EPHB4: variants seen among roughly 807,000 people sequenced by gnomAD.
EPHB4 encodes the protein ephrin type-B receptor 4.
Under a neutral mutation model 110.6 loss-of-function variants are expected in EPHB4, and 50 were observed. That is an observed-to-expected ratio of 0.45 (90% CI 0.36 to 0.57). The LOEUF is 0.57. EPHB4 is among the 20% of genes least tolerant of loss of function. EPHB4 has a pLI of 0.00. For missense variants in EPHB4, 1,128 were observed against 1,382.1 expected (o/e 0.82, Z 2.91); for synonymous variants, 592 against 578.4 (o/e 1.02, Z -0.34).
Position 100,802,866 on chromosome 7 carries a change from G to C in EPHB4, c.*595C>G, listed in dbSNP as rs1812726571. ...CAGGTTCCCTCCAACACAAAGTTAT[G>C]ACAAGGACGGTAGAAAAACAAAACG... On this transcript the variant is annotated 3_prime_UTR_variant, in exon 17 of 17. Coordinates refer to ENST00000358173, the MANE Select transcript of EPHB4 (RefSeq NM_004444.5). The C allele has an allele frequency of 6.6e-6, 1 of 152,098 alleles. No homozygotes were observed. The highest frequency in any genetic ancestry group is 1.9e-4 in the East Asian group (1 of 5,186). 9.4% of individuals were successfully genotyped at this position (152,098 alleles called of 1,614,324 possible).
At chr7:100,805,375 G>A in intron 15 of EPHB4, 54 bp from the exon 16 acceptor site, 2 of 1,608,460 alleles carry the variant, frequency 1.2e-6, no homozygotes, top group Non-Finnish European at 1.7e-6. Context: ...GTCCGGGGGA[G>A]GAGGTGGAAC....
Position 100,819,888 on chromosome 7 carries a change from G to A in EPHB4, c.966C>T (p.Thr322=). 6.5e-7 allele frequency: 1 copy of A among 1,542,102 alleles called. No homozygotes were observed. Among genetic ancestry groups the A allele is most frequent in the South Asian group, 1.2e-5 (1 of 83,928 alleles). The change falls in exon 6 of 17, where the codon ACC becomes ACT. Residue 322 remains threonine, a splice_region_variant and synonymous_variant. Coordinates refer to ENST00000358173, the MANE Select transcript of EPHB4 (RefSeq NM_004444.5). ...RTDPRGAPCT[T]PPSAPRSVVS... is the part of the protein sequence containing the mutation. ...CCACGCTCCGCGGAGCCGAAGGAGG[G>A]GCTGCAGGAGACCAGGGAGTCAGGC...
intron 4 of EPHB4, among the ~76,000 whole-genome samples, chr7:100,820,793 T>C (rs1813206680): frequency 1.3e-5 from 2 of 152,058 alleles, no homozygotes; most frequent in African/African-American, 4.8e-5. Flanking sequence ...GCAGCAAGTC[T>C]CCTAACATCT....
intron 13 of EPHB4, 72 bp from the exon 14 acceptor site, chr7:100,806,641 C>T (rs988578770): frequency 2.6e-6 from 4 of 1,518,040 alleles, no homozygotes; most frequent in Admixed American, 2.0e-5. Context: ...CACTGCCCCC[C>T]AGTCCCCCAC....
intron 15 of EPHB4, 63 bp from the exon 16 acceptor site, chr7:100,805,384 A>C: frequency 6.2e-7 from 1 of 1,605,634 alleles, no homozygotes; most frequent in Non-Finnish European, 8.5e-7. Context: ...AGGAGGTGGA[A>C]CCCAGCCTTG....
At position 100,822,050 on chromosome 7, in the gene EPHB4, C is replaced by T. The variant is rs1019857165; in HGVS notation, c.808+221G>A. ...TGGCGTGTGCCTGTAGTCCCAGCTA[C>T]TCACGAGGCTGAGGCAGGAGAACTG... On this transcript the variant is annotated intron_variant, in intron 4 of 16. Transcript: ENST00000358173. The surrounding 1 kb of genome is among the most constrained non-coding windows in gnomAD (Gnocchi z 4.7). Among the ~76,000 whole-genome samples, 2 of 152,136 alleles carry T rather than the reference C, an allele frequency of 1.3e-5. No homozygotes were observed. Among genetic ancestry groups the T allele is most frequent in the African/African-American group, 2.4e-5 (1 of 41,440 alleles).
intron 14 of EPHB4, 150 bp downstream of exon 14, chr7:100,806,270 A>G: frequency 9.8e-7 from 1 of 1,017,152 alleles, no homozygotes; most frequent in Non-Finnish European, 1.4e-6. Flanking sequence ...CTGTATCTCA[A>G]CTCTTTGATA....
chr7:100,812,779 T>C lies in EPHB4; in HGVS notation c.2086A>G (p.Met696Val), dbSNP rs751075057. 4 of 1,614,074 alleles carry C rather than the reference T, an allele frequency of 2.5e-6. No individual in the cohort carries two copies. The highest frequency in any genetic ancestry group is 2.2e-5 in the East Asian group (1 of 44,872). Residue 696 changes from methionine (M) to valine (V), a missense_variant, in exon 12 of 17, where the codon ATG becomes GTG. Physicochemically the swap from Met to Val is conservative, Grantham distance 21 (BLOSUM62 1). Coordinates refer to ENST00000358173, the MANE Select transcript of EPHB4 (RefSeq NM_004444.5). Reference sequence around the variant, plus strand: ...AAGGAGTCCAGGGCGCCGTTCTCCATGAACTCTGTGAGAATCATGACGGGC... The same window carrying C: ...AAGGAGTCCAGGGCGCCGTTCTCCACGAACTCTGTGAGAATCATGACGGGC... Reference protein sequence around the residue: ...SMPVMILTEFMENGALDSFLR... With the variant: ...SMPVMILTEFVENGALDSFLR...
chr7:100,823,344 C>T (rs1416433965), intron 3 of EPHB4, among the ~76,000 whole-genome samples: 2 of 152,102 alleles, frequency 1.3e-5, no homozygotes, highest in Non-Finnish European at 2.9e-5. Flanking sequence ...CAGCCAGGTG[C>T]AGTCAGGGAA....
At chr7:100,816,390 C>A (rs1268258452) in intron 8 of EPHB4, among the ~76,000 whole-genome samples, 2 of 150,816 alleles carry the variant, frequency 1.3e-5, no homozygotes, top group Non-Finnish European at 3.0e-5. Flanking sequence ...CTGGAGTGCA[C>A]TGGCACAATC....
chr7:100,819,548 A>G lies in EPHB4; in HGVS notation c.1297+9T>C. 6.5e-7 allele frequency: 1 copy of G among 1,543,454 alleles called. No individual in the cohort carries two copies. Among genetic ancestry groups the G allele is most frequent in the Non-Finnish European group, 8.8e-7 (1 of 1,140,306 alleles). On this transcript the variant is annotated intron_variant, in intron 6 of 16. Transcript: ENST00000358173. ...CAGACCACCAGCCGCCCCAGCCCCCAAGTCTCACCCTCTCGGTCAGTGGTG... is the reference window on the plus strand; with the variant it reads ...CAGACCACCAGCCGCCCCAGCCCCCGAGTCTCACCCTCTCGGTCAGTGGTG...
In EPHB4 at chr7:100,823,881, G is replaced by T. The variant is rs749250094; in HGVS notation, c.174C>A (p.Tyr58Ter). 6.2e-7 allele frequency: 1 copy of T among 1,610,024 alleles called. No homozygotes were observed. Among genetic ancestry groups the T allele is most frequent in the Non-Finnish European group, 8.5e-7 (1 of 1,178,592 alleles). The change falls in exon 3 of 17, where the codon TAC (tyrosine) becomes TAA (stop). Residue 58 changes from tyrosine to a stop codon, truncating the protein, a stop_gained. Coordinates refer to ENST00000358173, the MANE Select transcript of EPHB4 (RefSeq NM_004444.5). LOFTEE classifies it high-confidence loss of function. ...LDEEQHSVRTYEVCDVQRAPG... is the reference protein window; with the variant it reads ...LDEEQHSVRT ...GGGCACGCTGCACGTCACACACTTC[G>T]TAGGTGCGCACGCTGTGCTGTTCCT...
chr7:100,817,860 T>TTTG (rs1813118440), intron 7 of EPHB4, among the ~76,000 whole-genome samples: 1 of 5,318 alleles, frequency 1.9e-4, no homozygotes, highest in Non-Finnish European at 1.0e-3. Flanking sequence ...ATTTTTTGCG[T>TTTG]TTTTTTTTTT....
At chr7:100,808,508 T>C (rs891648754) in intron 12 of EPHB4, among the ~76,000 whole-genome samples, 1 of 152,146 alleles carries the variant, frequency 6.6e-6, no homozygotes, top group Non-Finnish European at 1.5e-5. Context: ...ATTACAGGCA[T>C]GAGTCACCTG....
At chr7:100,819,022 TTC>T (rs1813152339) in intron 6 of EPHB4, among the ~76,000 whole-genome samples, 1 of 152,214 alleles carries the variant, frequency 6.6e-6, no homozygotes, top group African/African-American at 2.4e-5. Flanking sequence ...CGAGAATTCC[TTC>T]TGATTCTCTC....
At position 100,813,950 on chromosome 7, in the gene EPHB4, C is replaced by A. The variant is rs1562969735; in HGVS notation, c.1660G>T (p.Val554Leu). ...CAGAGAACTGCGACCACAATGACCA[C>A]CAGGACCAGGACCACACCCACGACT... ...TAVVGVVLVL[V>L]VIVVAVLCLR... The change falls in exon 9 of 17, where the codon GTG becomes TTG. Residue 554 changes from valine to leucine, a missense_variant. Physicochemically the swap from Val to Leu is conservative, Grantham distance 32. Around this residue, in one of 3 missense-constraint regions of EPHB4, gnomAD observed 728 missense variants for 828.6 expected, o/e 0.88. Transcript: ENST00000358173. 6.2e-7 allele frequency: 1 copy of A among 1,614,184 alleles called. No homozygotes were observed. Among genetic ancestry groups the A allele is most frequent in the South Asian group, 1.1e-5 (1 of 91,080 alleles).
rs1471451317 is a variant in EPHB4 at position 100,804,367 on chromosome 7, T to A, written c.2835-777A>T. Among the ~76,000 whole-genome samples the A allele has an allele frequency of 3.0e-5, 4 of 133,066 alleles. No homozygotes were observed. In the Admixed American group the frequency reaches 3.6e-4, roughly 12 times the overall value. 87.3% of individuals were successfully genotyped at this position (133,066 alleles called of 152,430 possible). A position where few individuals can be genotyped will look rare whatever the true frequency, so the allele number is the denominator to read the frequency against. ...TTTCACTCTGTCATCCAGGCTGGAG[T>A]GCAGTGGTGCGATCTCGGCTCACTG... is the stretch of plus-strand genomic sequence containing the variant. On this transcript the variant is annotated intron_variant, in intron 16 of 16. Coordinates refer to ENST00000358173, the MANE Select transcript of EPHB4 (RefSeq NM_004444.5).
Position 100,822,784 on chromosome 7 carries a change from C to G in EPHB4, c.412-117G>C, listed in dbSNP as rs1007190061. 1.5e-4 allele frequency: 211 copies of G among 1,392,080 alleles called. 4 individuals are homozygous for G. In the South Asian group the frequency reaches 3.1e-3, roughly 20 times the overall value. 86.2% of individuals were successfully genotyped at this position (1,392,080 alleles called of 1,614,324 possible). A position where few individuals can be genotyped will look rare whatever the true frequency, so the allele number is the denominator to read the frequency against. On this transcript the variant is annotated intron_variant, in intron 3 of 16. Transcript: ENST00000358173. The surrounding 1 kb of genome is among the most constrained non-coding windows in gnomAD (Gnocchi z 4.7). The stretch of plus-strand genomic sequence containing the variant: ...TCCTTGGTTCCCGTTCCAGAATCTT[C>G]CCTCCACCTTCCCCAGGGCACACTT...
rs771340657 is a variant in EPHB4, at chr7:100,824,317, G to A, written c.53-44C>T. 15 of 1,604,886 alleles carry A rather than the reference G, an allele frequency of 9.3e-6. No individual in the cohort carries two copies. In the South Asian group the frequency reaches 1.3e-4, roughly 14 times the overall value. On this transcript the variant is annotated intron_variant, in intron 1 of 16. Coordinates refer to ENST00000358173, the MANE Select transcript of EPHB4 (RefSeq NM_004444.5). ...CAGAGTCAGTGCCTGGGGTGGGGGAGGGAGGTCAGGAAGACCAGATCCCTG... is the reference window on the plus strand; with the variant it reads ...CAGAGTCAGTGCCTGGGGTGGGGGAAGGAGGTCAGGAAGACCAGATCCCTG...
Sources: allele counts gnomAD v4.1 joint callset (sites outside exome capture counted in the v4.1 genomes callset), GRCh38; gene constraint gnomAD v4.1.1; regional missense constraint gnomAD v4.1.1; non-coding constraint Gnocchi (gnomAD v3.1); transcripts MANE v1.5; gene names NCBI Gene and HGNC (gene_info 2026-07-23, HGNC 2026-07-21).